Variants in SYNE2 observed in about 807,000 individuals in gnomAD.
The protein encoded by SYNE2 is nesprin-2.
SYNE2 carries 431 observed loss-of-function variants against 856.3 expected under a neutral mutation model. The ratio of observed to expected loss-of-function variants is 0.50; its 90% CI spans 0.47 to 0.55. SYNE2 has a LOEUF of 0.55. Among genes scored for constraint, SYNE2 ranks in the 20% least tolerant of loss-of-function variants. The pLI, the probability that SYNE2 is intolerant of heterozygous loss-of-function variation, is 0.00. For synonymous variants in SYNE2, 2,923 were observed against 2,872.3 expected (o/e 1.02, Z -0.56); for missense variants, 8,129 against 8,023.2 (o/e 1.01, Z -0.50).
At chr14:64,069,367 A>T (rs1317677486) in intron 51 of SYNE2, among the ~76,000 whole-genome samples, 5 of 152,110 alleles carry the variant, frequency 3.3e-5, no homozygotes, top group African/African-American at 1.2e-4. Context: ...AATTCAACTG[A>T]ATTTAGGTTT....
chr14:63,900,730 A>G (rs1442382797), intron 1 of SYNE2, among the ~76,000 whole-genome samples: 1 of 152,192 alleles, frequency 6.6e-6, no homozygotes, highest in African/African-American at 2.4e-5. Context: ...CCTGACCTGG[A>G]AATATGCACC....
intron 1 of SYNE2, among the ~76,000 whole-genome samples, chr14:63,790,247 A>C (rs1887687231): frequency 6.6e-6 from 1 of 152,022 alleles, no homozygotes; most frequent in South Asian, 2.1e-4. Context: ...TGGGGGGATC[A>C]CCTGAGCCTG....
chr14:64,162,266 A>G lies in SYNE2; in HGVS notation c.16289A>G (p.Gln5430Arg), dbSNP rs1164427054. 2 of 1,614,200 alleles carry G rather than the reference A, an allele frequency of 1.2e-6. No homozygotes were observed. Among genetic ancestry groups the G allele is most frequent in the Non-Finnish European group, 8.5e-7 (1 of 1,180,008 alleles). ...NLAEILPPAL[Q>R]DIKELQHDVQ... ...GCAGAGATCCTGCCCCCAGCCCTGC[A>G]GGACATAAAGGTGGGTACAAAGCCC... The change falls in exon 88 of 116, where the codon CAG becomes CGG. Residue 5430 changes from glutamine to arginine, a missense_variant. Around this residue, in one of 3 missense-constraint regions of SYNE2, gnomAD observed 5,410 missense variants for 5,284.8 expected, o/e 1.02. Coordinates refer to ENST00000555002, the MANE Select transcript of SYNE2 (RefSeq NM_182914.3).
intron 97 of SYNE2, among the ~76,000 whole-genome samples, chr14:64,186,974 A>G (rs962998570): frequency 5.3e-5 from 8 of 152,180 alleles, no homozygotes; most frequent in Non-Finnish European, 1.2e-4. Context: ...CAGGAGTCTT[A>G]CTTCATGCCC....
chr14:63,771,131 G>A (rs1028331834), intron 1 of SYNE2, among the ~76,000 whole-genome samples: 1 of 148,698 alleles, frequency 6.7e-6, no homozygotes, highest in South Asian at 2.1e-4. Context: ...GCGCAGTGGC[G>A]CAATCTCGGC....
intron 100 of SYNE2, chr14:64,208,209 T>C (rs2098618389): frequency 2.2e-6 from 1 of 455,146 alleles, no homozygotes; most frequent in African/African-American, 2.0e-5. Flanking sequence ...CTGCCAGAAT[T>C]TCTCCCTTGG....
At chr14:63,911,161 G>A (rs913822713) in intron 2 of SYNE2, among the ~76,000 whole-genome samples, 17 of 151,948 alleles carry the variant, frequency 1.1e-4, no homozygotes, top group African/African-American at 3.6e-4. Context: ...TATTCTCCCT[G>A]GTCCGCCAGC....
rs115245555 is a variant in SYNE2, at chr14:63,915,723, A to G, written c.79+6496A>G. On this transcript the variant is annotated intron_variant, in intron 2 of 115. Coordinates refer to ENST00000555002, the MANE Select transcript of SYNE2 (RefSeq NM_182914.3). Reference sequence around the variant, plus strand: ...TTGTCTAGATGACATATTTTAAAAGATTAAAAAACCCTCTGTGTCTTCTCG... The same window carrying G: ...TTGTCTAGATGACATATTTTAAAAGGTTAAAAAACCCTCTGTGTCTTCTCG... Among the ~76,000 whole-genome samples, 942 of 152,264 alleles carry G rather than the reference A, an allele frequency of 6.2e-3. 16 individuals are homozygous for G. Among genetic ancestry groups the G allele is most frequent in the African/African-American group, 0.022 (914 of 41,542 alleles).
chr14:64,047,044 C>T (rs748380491), intron 45 of SYNE2, among the ~76,000 whole-genome samples: 9 of 152,258 alleles, frequency 5.9e-5, no homozygotes, highest in Non-Finnish European at 8.8e-5. Flanking sequence ...GCTGGTGTAA[C>T]AGCCTTTCTG....
In SYNE2 at chr14:64,074,014, A is replaced by G. The variant is rs1329807359; in HGVS notation, c.10744A>G (p.Ile3582Val). ...AAATAAAGAATTGGTGCAGACTGAAATCCAAGAAAGACATTCCTTCACAAA... is the reference window on the plus strand; with the variant it reads ...AAATAAAGAATTGGTGCAGACTGAAGTCCAAGAAAGACATTCCTTCACAAA... ...QKNKELVQTE[I>V]QERHSFTKEI... The change falls in exon 53 of 116, where the codon ATC becomes GTC. Residue 3582 changes from isoleucine (I) to valine (V), a missense_variant. This residue lies in a region of SYNE2 where 5,410 missense variants were observed against 5,284.8 expected (regional missense o/e 1.02). Transcript: ENST00000555002. 6.2e-7 allele frequency: 1 copy of G among 1,614,252 alleles called. No homozygotes were observed. Among genetic ancestry groups the G allele is most frequent in the African/African-American group, 1.3e-5 (1 of 75,074 alleles).
intron 1 of SYNE2, among the ~76,000 whole-genome samples, chr14:63,777,098 C>T (rs547226896): frequency 7.7e-4 from 117 of 152,328 alleles, no homozygotes; most frequent in Non-Finnish European, 1.3e-3. Flanking sequence ...ACATATTAAA[C>T]TACTGTCTGG....
intron 11 of SYNE2, among the ~76,000 whole-genome samples, chr14:63,972,101 T>G (rs995648248): frequency 3.3e-5 from 5 of 152,180 alleles, no homozygotes; most frequent in Non-Finnish European, 7.3e-5. Context: ...ACAACCTAAT[T>G]TTGAAGAACT....
chr14:63,855,666 C>T (rs1160891222), intron 1 of SYNE2, among the ~76,000 whole-genome samples: 1 of 152,216 alleles, frequency 6.6e-6, no homozygotes, highest in Non-Finnish European at 1.5e-5. Context: ...ATCCTCGCGA[C>T]TCCCATTCCT....
At chr14:64,014,096 A>T (rs940860877) in intron 32 of SYNE2, among the ~76,000 whole-genome samples, 5 of 152,206 alleles carry the variant, frequency 3.3e-5, no homozygotes, top group South Asian at 2.1e-4. Context: ...AAAATATTTT[A>T]AAAATTTTAT....
At chr14:63,822,265 C>CA (rs1253680319) in intron 1 of SYNE2, among the ~76,000 whole-genome samples, 1 of 151,932 alleles carries the variant, frequency 6.6e-6, no homozygotes, top group East Asian at 1.9e-4. Context: ...TCAGAAAGAA[C>CA]AGTGAGTTTT....
chr14:63,932,707 C>T (rs865841097), intron 2 of SYNE2, among the ~76,000 whole-genome samples: 8 of 151,366 alleles, frequency 5.3e-5, no homozygotes, highest in Middle Eastern at 3.4e-3. Context: ...ACCCTATCTC[C>T]AAAGCAAAAA....
intron 98 of SYNE2, among the ~76,000 whole-genome samples, chr14:64,189,703 C>T (rs970966690): frequency 2.0e-5 from 3 of 152,232 alleles, no homozygotes; most frequent in African/African-American, 7.2e-5. Flanking sequence ...GGTTTTGAGA[C>T]AGTGTCTCAC....
intron 55 of SYNE2, among the ~76,000 whole-genome samples, chr14:64,079,783 A>C (rs1036143062): frequency 6.6e-6 from 1 of 152,118 alleles, no homozygotes; most frequent in Non-Finnish European, 1.5e-5. Flanking sequence ...ATCAAAACTC[A>C]CTTCAGCCTT....
At position 63,862,242 on chromosome 14, in the gene SYNE2, CAT is replaced by C. The variant is rs562727277; in HGVS notation, c.-52+9100_-52+9101del. On this transcript the variant is annotated intron_variant, in intron 1 of 115. Transcript: ENST00000555002. ...GATAAAACAAAACAACAGTTGGACA[CAT>C]GTACATATATTCGTATTTGCATAAC... Among the ~76,000 whole-genome samples the C allele has an allele frequency of 2.0e-3, 300 of 152,324 alleles. 2 individuals carry two copies. Among genetic ancestry groups the C allele is most frequent in the African/African-American group, 6.8e-3 (283 of 41,570 alleles).
Sources: allele counts gnomAD v4.1 joint callset (sites outside exome capture counted in the v4.1 genomes callset), GRCh38; gene constraint gnomAD v4.1.1; regional missense constraint gnomAD v4.1.1; transcripts MANE v1.5; gene names NCBI Gene and HGNC (gene_info 2026-07-23, HGNC 2026-07-21).